RARB: variants seen among roughly 807,000 people sequenced by gnomAD.
The protein encoded by RARB is retinoic acid receptor beta, also known as HBV-activated protein.
In RARB, 17 loss-of-function variants were observed where a neutral mutation model predicts 51.9. The ratio of observed to expected loss-of-function variants is 0.33; its 90% CI spans 0.22 to 0.49. The LOEUF (loss-of-function observed/expected upper bound fraction) is 0.49, where lower values mean the gene tolerates loss of function less well. Among genes scored for constraint, RARB ranks in the 20% least tolerant of loss-of-function variants. RARB has a pLI of 0.99. For synonymous variants in RARB, 215 were observed against 195.4 expected (o/e 1.10, Z -0.84); for missense variants, 369 against 550.8 (o/e 0.67, Z 3.30).
At chr3:25,386,294 A>C (rs1191651357) in intron 5 of RARB, among the ~76,000 whole-genome samples, 4 of 152,072 alleles carry the variant, frequency 2.6e-5, no homozygotes, top group Non-Finnish European at 5.9e-5. Context: ...TCAAAGGCAT[A>C]GAGGCTGGGG....
intron 1 of RARB, among the ~76,000 whole-genome samples, chr3:24,835,155 C>T (rs1386999160): frequency 1.3e-5 from 2 of 152,172 alleles, no homozygotes; most frequent in Non-Finnish European, 2.9e-5. Flanking sequence ...TTGCTTTTGC[C>T]TTTTGTACTT....
intron 2 of RARB, among the ~76,000 whole-genome samples, chr3:24,916,053 G>A (rs896650627): frequency 2.6e-5 from 4 of 152,068 alleles, no homozygotes; most frequent in African/African-American, 9.7e-5. Flanking sequence ...TGACTCAAGT[G>A]GTGGACAAGG....
intron 2 of RARB, among the ~76,000 whole-genome samples, chr3:25,006,747 G>C (rs1313567187): frequency 1.3e-5 from 2 of 152,148 alleles, no homozygotes; most frequent in Non-Finnish European, 2.9e-5. Flanking sequence ...AATCCACTCT[G>C]TTCCTCTAGT....
At chr3:24,985,946 G>A (rs1696785590) in intron 2 of RARB, among the ~76,000 whole-genome samples, 1 of 152,182 alleles carries the variant, frequency 6.6e-6, no homozygotes, top group Non-Finnish European at 1.5e-5. Context: ...TAAGAACAGA[G>A]ACTTAGCGCT....
intron 3 of RARB, among the ~76,000 whole-genome samples, chr3:25,554,269 A>C (rs1421642806): frequency 1.3e-5 from 2 of 151,096 alleles, no homozygotes; most frequent in African/African-American, 4.9e-5. Flanking sequence ...GTGAGTATTA[A>C]TTGTTTTATT....
chr3:25,328,243 G>C (rs1459308857), intron 5 of RARB, among the ~76,000 whole-genome samples: 2 of 152,228 alleles, frequency 1.3e-5, no homozygotes, highest in Admixed American at 1.3e-4. Context: ...CTCTAGGCCG[G>C]GTGCAGTGGC....
intron 2 of RARB, among the ~76,000 whole-genome samples, chr3:24,964,047 T>C (rs1696201400): frequency 6.6e-6 from 1 of 152,104 alleles, no homozygotes; most frequent in Non-Finnish European, 1.5e-5. Context: ...GATATTTGTT[T>C]TTCATTCTCC....
At chr3:25,495,212 A>G (rs1696963559) in intron 2 of RARB, among the ~76,000 whole-genome samples, 1 of 152,086 alleles carries the variant, frequency 6.6e-6, no homozygotes, top group Admixed American at 6.6e-5. Context: ...ATGTGTGAAG[A>G]AAAAAAATCT....
chr3:25,106,935 G>C (rs1470248911), intron 3 of RARB, among the ~76,000 whole-genome samples: 1 of 151,218 alleles, frequency 6.6e-6, no homozygotes, highest in Admixed American at 6.6e-5. Context: ...GAGTCTCGCT[G>C]TCTTGCCCAG....
intron 5 of RARB, among the ~76,000 whole-genome samples, chr3:25,189,807 C>T (rs1443401376): frequency 2.0e-5 from 3 of 152,092 alleles, no homozygotes; most frequent in Non-Finnish European, 4.4e-5. Flanking sequence ...ATTGGTTGAA[C>T]CCGGGAAGTA....
intron 5 of RARB, among the ~76,000 whole-genome samples, chr3:25,227,725 A>G (rs1423306111): frequency 6.6e-6 from 1 of 152,116 alleles, no homozygotes; most frequent in Non-Finnish European, 1.5e-5. Context: ...TTTATCATTA[A>G]GTCTCTGCTA....
intron 2 of RARB, among the ~76,000 whole-genome samples, chr3:24,904,545 A>C (rs909492602): frequency 2.6e-5 from 4 of 152,160 alleles, no homozygotes; most frequent in Non-Finnish European, 5.9e-5. Context: ...GAAATAGGAA[A>C]GCTTTTACAC....
intron 5 of RARB, among the ~76,000 whole-genome samples, chr3:25,260,599 A>T (rs1702975045): frequency 1.3e-5 from 2 of 151,930 alleles, no homozygotes; most frequent in Admixed American, 1.3e-4. Flanking sequence ...CTGCAACCCA[A>T]CCCCAACCCA....
At chr3:25,378,451 A>T (rs560767912) in intron 5 of RARB, among the ~76,000 whole-genome samples, 2 of 152,306 alleles carry the variant, frequency 1.3e-5, no homozygotes, top group Admixed American at 6.5e-5. Flanking sequence ...ATACCCCTAC[A>T]ATGTATCATT....
chr3:25,233,106 G>A (rs1219426571), intron 5 of RARB, among the ~76,000 whole-genome samples: 1 of 150,360 alleles, frequency 6.7e-6, no homozygotes, highest in Non-Finnish European at 1.5e-5. Flanking sequence ...CTCCCAAGTA[G>A]CTGGAACTAC....
chr3:25,412,083 C>T (rs1014504255), intron 5 of RARB, among the ~76,000 whole-genome samples: 1 of 152,174 alleles, frequency 6.6e-6, no homozygotes, highest in Non-Finnish European at 1.5e-5. Flanking sequence ...TGGAGACTCC[C>T]TGGAAATGAC....
chr3:25,382,476 A>G (rs953178514), intron 5 of RARB, among the ~76,000 whole-genome samples: 4 of 152,204 alleles, frequency 2.6e-5, no homozygotes, highest in Non-Finnish European at 4.4e-5. Flanking sequence ...GGCATTGCCT[A>G]TGTCCTGAAG....
At chr3:25,478,152 GC>G (rs1225728547) in intron 2 of RARB, among the ~76,000 whole-genome samples, 4 of 152,238 alleles carry the variant, frequency 2.6e-5, no homozygotes, top group Admixed American at 6.5e-5. Flanking sequence ...TTATTCCCTA[GC>G]CTTGCAAGTC....
intron 5 of RARB, among the ~76,000 whole-genome samples, chr3:25,586,933 A>G (rs1701416606): frequency 6.6e-6 from 1 of 152,196 alleles, no homozygotes; most frequent in African/African-American, 2.4e-5. Flanking sequence ...ACCCACCTGT[A>G]GATGTGGCAC....
Sources: allele counts gnomAD v4.1 joint callset (sites outside exome capture counted in the v4.1 genomes callset), GRCh38; gene constraint gnomAD v4.1.1; transcripts MANE v1.5; gene names NCBI Gene and HGNC (gene_info 2026-07-23, HGNC 2026-07-21).